Variants in MX1 observed in about 807,000 individuals in gnomAD.
MX1 encodes interferon-induced GTP-binding protein Mx1.
Under a neutral mutation model 66.4 loss-of-function variants are expected in MX1, and 66 were observed. The ratio of observed to expected loss-of-function variants is 0.99; its 90% CI spans 0.82 to 1.22. The LOEUF is 1.22. Ranked by LOEUF, MX1 falls within the 50% of genes most tolerant of loss-of-function variation. MX1 has a pLI of 0.00. For missense variants in MX1, 787 were observed against 834.3 expected (o/e 0.94, Z 0.70); for synonymous variants, 311 against 318.1 (o/e 0.98, Z 0.24).
At chr21:41,429,769 C>T (rs868814942) in intron 3 of MX1, 1 of 151,884 alleles carries the variant, frequency 6.6e-6, no homozygotes, top group Non-Finnish European at 1.5e-5. Context: ...TTAGCCGGGT[C>T]TGGTGGCGTG....
upstream of MX1, chr21:41,422,659 A>G (rs78266687): frequency 6.6e-6 from 1 of 152,158 alleles, no homozygotes; most frequent in South Asian, 2.1e-4. Context: ...GAAAAAAAAA[A>G]GAGTAACTGC....
intron 13 of MX1, among the ~76,000 whole-genome samples, chr21:41,448,344 A>G (rs1423629495): frequency 6.6e-6 from 1 of 152,190 alleles, no homozygotes; most frequent in African/African-American, 2.4e-5. Flanking sequence ...CTTTCTACAC[A>G]TGGCAATACT....
rs1247744842 is a variant in MX1, at chr21:41,436,031, T to G, written c.298+2T>G. 6.2e-7 allele frequency: 1 copy of G among 1,613,904 alleles called. No homozygotes were observed. Reference sequence around the variant, plus strand: ...GAGTTGCCCTTCCCAGAGGCAGCGGTAAGAACTTACATTCTGTGTTAGTCT... The same window carrying G: ...GAGTTGCCCTTCCCAGAGGCAGCGGGAAGAACTTACATTCTGTGTTAGTCT... On this transcript the variant is annotated splice_donor_variant, in intron 6 of 16. Coordinates refer to ENST00000398598, the MANE Select transcript of MX1 (RefSeq NM_002462.5). LOFTEE classifies it high-confidence loss of function.
chr21:41,437,081 G>A lies in MX1; in HGVS notation c.365G>A (p.Gly122Asp). Residue 122 changes from glycine (G) to aspartate (D), a missense_variant, in exon 7 of 17, where the codon GGC (glycine) becomes GAC (aspartate). Transcript: ENST00000398598. ...KKLVNEDKWRGKVSYQDYEIE... is the reference protein window; with the variant it reads ...KKLVNEDKWRDKVSYQDYEIE... ...CTTGTGAACGAAGATAAGTGGAGAG[G>A]CAAGGTCAGTTACCAGGACTACGAG... is the stretch of plus-strand genomic sequence containing the variant. The A allele has an allele frequency of 1.2e-6, 2 of 1,613,988 alleles. No individual in the cohort carries two copies. The highest frequency in any genetic ancestry group is 1.7e-6 in the Non-Finnish European group (2 of 1,179,922).
intron 16 of MX1, 25 bp from the exon 17 acceptor site, chr21:41,458,503 C>T: frequency 6.6e-6 from 9 of 1,364,646 alleles, no homozygotes; most frequent in Non-Finnish European, 3.9e-6. Flanking sequence ...CCTCCACCCT[C>T]CCGTGAACTG....
At chr21:41,440,504 C>T (rs2090477385) in intron 8 of MX1, among the ~76,000 whole-genome samples, 1 of 152,122 alleles carries the variant, frequency 6.6e-6, no homozygotes, top group Non-Finnish European at 1.5e-5. Context: ...ACAAAACAAG[C>T]AAGAAAGAAA....
chr21:41,452,998 C>G, intron 16 of MX1, 129 bp downstream of exon 16: 2 of 1,043,816 alleles, frequency 1.9e-6, no homozygotes, highest in Non-Finnish European at 2.8e-6. Flanking sequence ...TTGTTAGCCT[C>G]CTGTATTAGT....
At chr21:41,433,869 G>A (rs1489427751) in intron 5 of MX1, among the ~76,000 whole-genome samples, 1 of 152,214 alleles carries the variant, frequency 6.6e-6, no homozygotes, top group African/African-American at 2.4e-5. Context: ...AAAGTTATAA[G>A]GTGAACTAAG....
At chr21:41,445,761 C>A (rs560770677) in intron 12 of MX1, 191 bp downstream of exon 12, 32 of 851,006 alleles carry the variant, frequency 3.8e-5, no homozygotes, top group Non-Finnish European at 5.7e-5. Flanking sequence ...GAGTCAGCAG[C>A]GAGGGATGCT....
At chr21:41,455,814 T>G (rs996884623) in intron 16 of MX1, among the ~76,000 whole-genome samples, 19 of 152,268 alleles carry the variant, frequency 1.2e-4, no homozygotes, top group African/African-American at 4.3e-4. Flanking sequence ...TGCAGTCTTT[T>G]GCTAATGCAG....
intron 11 of MX1, 77 bp downstream of exon 11, chr21:41,443,943 C>G: frequency 7.7e-7 from 1 of 1,299,664 alleles, no homozygotes; most frequent in Non-Finnish European, 1.1e-6. Flanking sequence ...GCTTCTTAAA[C>G]ATCACTGTAC....
At position 41,441,978 on chromosome 21, in the gene MX1, C is replaced by T. The variant is rs1207089676; in HGVS notation, c.929+64C>T. The T allele has an allele frequency of 3.2e-6, 5 of 1,543,876 alleles. No individual in the cohort carries two copies. The highest frequency in any genetic ancestry group is 1.7e-5 in the Admixed American group (1 of 59,704). Reference sequence around the variant, plus strand: ...CCAGGATGTCAGGCCTTCCAGGGGACAGTGGCAGCCGTCCCACAGATGTGT... The same window carrying T: ...CCAGGATGTCAGGCCTTCCAGGGGATAGTGGCAGCCGTCCCACAGATGTGT... On this transcript the variant is annotated intron_variant, in intron 10 of 16. Coordinates refer to ENST00000398598, the MANE Select transcript of MX1 (RefSeq NM_002462.5). This position sits in a 1 kb window ranked among gnomAD's most constrained non-coding sequence, Gnocchi z 4.0.
At chr21:41,421,797 A>G (rs456018), upstream of MX1, 53,268 of 152,966 alleles carry the variant, frequency 0.35, 10,593 homozygotes, top group East Asian at 0.57. Flanking sequence ...CTTTCTACAC[A>G]GACACAGTAA....
upstream of MX1, chr21:41,421,706 G>T (rs1164457085): frequency 6.5e-6 from 1 of 153,814 alleles, no homozygotes; most frequent in African/African-American, 2.4e-5. Context: ...GGGGTTGGGG[G>T]TAAGGTTATA....
In MX1 at chr21:41,437,037, G is replaced by A. The variant is rs774173358; in HGVS notation, c.321G>A (p.Leu107=). The A allele has an allele frequency of 5.0e-6, 8 of 1,613,806 alleles. No homozygotes were observed. Among genetic ancestry groups the A allele is most frequent in the Non-Finnish European group, 6.8e-6 (8 of 1,179,866 alleles). The change falls in exon 7 of 17, where the codon CTG becomes CTA. Residue 107 remains leucine, a synonymous_variant. Coordinates refer to ENST00000398598, the MANE Select transcript of MX1 (RefSeq NM_002462.5). ...RGSGIVTRCP[L]VLKLKKLVNE... ...TAGGGATCGTGACCAGATGCCCGCT[G>A]GTGCTGAAACTGAAGAAACTTGTGA...
At position 41,441,917 on chromosome 21, in the gene MX1, G is replaced by T; in HGVS notation, c.929+3G>T. The T allele has an allele frequency of 6.2e-7, 1 of 1,614,086 alleles. No homozygotes were observed. Among genetic ancestry groups the T allele is most frequent in the Non-Finnish European group, 8.5e-7 (1 of 1,180,010 alleles). ...TTTGAGAACCACCCATATTTCAGGT[G>T]CGCTTGCCTGGGTTTCATCATGGAT... On this transcript the variant is annotated splice_donor_region_variant and intron_variant, in intron 10 of 16. Coordinates refer to ENST00000398598, the MANE Select transcript of MX1 (RefSeq NM_002462.5). This position sits in a 1 kb window ranked among gnomAD's most constrained non-coding sequence, Gnocchi z 4.0.
intron 7 of MX1, among the ~76,000 whole-genome samples, chr21:41,439,221 G>A (rs2090441557): frequency 6.6e-6 from 1 of 151,910 alleles, no homozygotes; most frequent in Admixed American, 6.6e-5. Context: ...AAGGAGGAAG[G>A]AGCAAAATAA....
chr21:41,429,314 G>A (rs1482951252), intron 3 of MX1: 1 of 152,224 alleles, frequency 6.6e-6, no homozygotes, highest in East Asian at 1.9e-4. Flanking sequence ...AACCCATAAG[G>A]TTTAGCTTTC....
chr21:41,423,935 T>G (rs2090018170), upstream of MX1, among the ~76,000 whole-genome samples: 1 of 152,094 alleles, frequency 6.6e-6, no homozygotes, highest in Non-Finnish European at 1.5e-5. Context: ...CCCTTCCGAG[T>G]CCTGCCCTGG....
Sources: allele counts gnomAD v4.1 joint callset (sites outside exome capture counted in the v4.1 genomes callset), GRCh38; gene constraint gnomAD v4.1.1; non-coding constraint Gnocchi (gnomAD v3.1); transcripts MANE v1.5; gene names NCBI Gene and HGNC (gene_info 2026-07-23, HGNC 2026-07-21).